The following DOCK3 variants were observed in gnomAD, a reference collection of about 807,000 sequenced individuals.
The protein encoded by DOCK3 is dedicator of cytokinesis 3, also known as dedicator of cytokinesis protein 3.
In DOCK3, 60 loss-of-function variants were observed where a neutral mutation model predicts 265.6. That is an observed-to-expected ratio of 0.23 (90% CI 0.18 to 0.28). The LOEUF is 0.28. Ranked by LOEUF, DOCK3 falls within the 10% of genes least tolerant of loss-of-function variation. DOCK3 has a pLI of 1.00. For missense variants in DOCK3, 1,981 were observed against 2,594.3 expected (o/e 0.76, Z 5.14); for synonymous variants, 881 against 938.0 (o/e 0.94, Z 1.11).
intron 1 of DOCK3, among the ~76,000 whole-genome samples, chr3:50,703,306 C>T (rs778742034): frequency 1.4e-4 from 21 of 151,692 alleles, no homozygotes; most frequent in Non-Finnish European, 4.4e-5. Context: ...GTAGTTTTCT[C>T]TTTTTTTTCT....
In DOCK3 at chr3:51,101,113, C is replaced by CTTTTT. The variant is rs59972198; in HGVS notation, c.746+10743_746+10747dup. ...AGCTACCATGCTCGGCTTAGTCTTT[C>CTTTTT]TTTTTTTTTTTTTTTTTTGAGACGG... On this transcript the variant is annotated intron_variant, in intron 9 of 52. Transcript: ENST00000266037. Among the ~76,000 whole-genome samples the CTTTTT allele has an allele frequency of 6.5e-5, 8 of 122,554 alleles. 1 individual carries two copies. Among genetic ancestry groups the CTTTTT allele is most frequent in the African/African-American group, 9.6e-5 (3 of 31,224 alleles). The allele number at this position is 122,554 out of a possible 152,430, so 80.4% of individuals were successfully genotyped here.
At chr3:51,206,126 G>A (rs2089193773) in intron 12 of DOCK3, among the ~76,000 whole-genome samples, 1 of 152,128 alleles carries the variant, frequency 6.6e-6, no homozygotes, top group African/African-American at 2.4e-5. Flanking sequence ...GATAAATCTA[G>A]TAATGATTTC....
intron 5 of DOCK3, among the ~76,000 whole-genome samples, chr3:51,004,387 CTAAT>C (rs2078592945): frequency 6.6e-6 from 1 of 152,104 alleles, no homozygotes; most frequent in South Asian, 2.1e-4. Context: ...CTAAGCCAGA[CTAAT>C]TAAGCCACTT....
intron 9 of DOCK3, among the ~76,000 whole-genome samples, chr3:51,123,191 C>T (rs1223870186): frequency 1.3e-5 from 2 of 152,194 alleles, no homozygotes; most frequent in African/African-American, 4.8e-5. Context: ...CTCCACCCAA[C>T]ACTAGCCCTG....
chr3:51,224,296 A>G (rs2090232224), intron 14 of DOCK3, among the ~76,000 whole-genome samples: 1 of 152,218 alleles, frequency 6.6e-6, no homozygotes, highest in South Asian at 2.1e-4. Context: ...AAGATTGCAT[A>G]CCTGGGATAG....
At chr3:50,771,221 A>G (rs2041254279) in intron 1 of DOCK3, among the ~76,000 whole-genome samples, 1 of 152,252 alleles carries the variant, frequency 6.6e-6, no homozygotes, top group Admixed American at 6.5e-5. Context: ...TAATGACCAG[A>G]ATATATAAGG....
chr3:51,092,350 C>T (rs181829373), intron 9 of DOCK3, among the ~76,000 whole-genome samples: 1 of 152,292 alleles, frequency 6.6e-6, no homozygotes, highest in African/African-American at 2.4e-5. Flanking sequence ...TCTGCCATTA[C>T]TGAGGCTTGA....
chr3:50,718,271 T>C (rs763297931), intron 1 of DOCK3, among the ~76,000 whole-genome samples: 39 of 152,206 alleles, frequency 2.6e-4, no homozygotes, highest in Admixed American at 7.2e-4. Flanking sequence ...TCCTGTTTCC[T>C]CAATAAGAGA....
intron 5 of DOCK3, among the ~76,000 whole-genome samples, chr3:51,035,141 CA>C (rs1301938368): frequency 6.6e-6 from 1 of 151,990 alleles, no homozygotes; most frequent in Non-Finnish European, 1.5e-5. Context: ...CACCCTTCAC[CA>C]ATATTGGGAA....
chr3:50,996,309 C>T (rs1415382752), intron 5 of DOCK3, among the ~76,000 whole-genome samples: 4 of 151,940 alleles, frequency 2.6e-5, no homozygotes, highest in Non-Finnish European at 4.4e-5. Context: ...GCTCCGCCTC[C>T]TGGGTTCATG....
intron 11 of DOCK3, among the ~76,000 whole-genome samples, chr3:51,159,759 A>G (rs1477341823): frequency 6.6e-6 from 1 of 152,106 alleles, no homozygotes; most frequent in East Asian, 1.9e-4. Context: ...ACTCCAGAAG[A>G]TGGATGACAT....
chr3:51,267,675 C>T (rs1381519692), intron 23 of DOCK3, among the ~76,000 whole-genome samples: 5 of 152,214 alleles, frequency 3.3e-5, no homozygotes, highest in South Asian at 2.1e-4. Context: ...CATGAGCCAC[C>T]GCGCCCAGCC....
chr3:50,768,599 A>G (rs2041063508), intron 1 of DOCK3, among the ~76,000 whole-genome samples: 1 of 152,230 alleles, frequency 6.6e-6, no homozygotes, highest in African/African-American at 2.4e-5. Context: ...AGATGCAGAA[A>G]AGACTGAATA....
chr3:50,746,447 G>A (rs2039450899), intron 1 of DOCK3, among the ~76,000 whole-genome samples: 1 of 152,054 alleles, frequency 6.6e-6, no homozygotes, highest in Non-Finnish European at 1.5e-5. Context: ...TGTGGATTAT[G>A]CTTTTGGTAT....
At chr3:51,288,346 C>A (rs143730783) in intron 27 of DOCK3, among the ~76,000 whole-genome samples, 1 of 145,728 alleles carries the variant, frequency 6.9e-6, no homozygotes, top group South Asian at 2.1e-4. Flanking sequence ...GAGCCAAGAT[C>A]GTAGCACTGC....
chr3:51,135,232 C>T (rs1440512159), intron 9 of DOCK3, among the ~76,000 whole-genome samples: 3 of 152,192 alleles, frequency 2.0e-5, no homozygotes, highest in Non-Finnish European at 2.9e-5. Flanking sequence ...CAGTCAACTG[C>T]TAAATCTGGT....
chr3:50,763,650 T>G (rs2108408850), intron 1 of DOCK3, among the ~76,000 whole-genome samples: 1 of 152,340 alleles, frequency 6.6e-6, no homozygotes, highest in African/African-American at 2.4e-5. Context: ...TACTCTAGCT[T>G]ATGAAAAATT....
At chr3:51,245,247 G>T (rs988467185) in intron 21 of DOCK3, among the ~76,000 whole-genome samples, 3 of 152,104 alleles carry the variant, frequency 2.0e-5, no homozygotes, top group Non-Finnish European at 4.4e-5. Context: ...TGAGACACAA[G>T]AATTGCTTGG....
chr3:51,380,956 G>A, intron 52 of DOCK3, 94 bp from the exon 53 acceptor site: 2 of 1,449,796 alleles, frequency 1.4e-6, no homozygotes, highest in Non-Finnish European at 1.8e-6. Flanking sequence ...GAGGGTTAAA[G>A]TTCATTCATA....
Sources: allele counts gnomAD v4.1 joint callset (sites outside exome capture counted in the v4.1 genomes callset), GRCh38; gene constraint gnomAD v4.1.1; transcripts MANE v1.5; gene names NCBI Gene and HGNC (gene_info 2026-07-23, HGNC 2026-07-21).